Variants in METTL21A observed in about 807,000 individuals in gnomAD.
METTL21A encodes methyltransferase 21A, HSPA lysine, also known as protein N-lysine methyltransferase METTL21A.
METTL21A carries 22 observed loss-of-function variants against 20.9 expected under a neutral mutation model. The ratio of observed to expected loss-of-function variants is 1.05; its 90% CI spans 0.75 to 1.50. The LOEUF (loss-of-function observed/expected upper bound fraction) is 1.50, where lower values mean the gene tolerates loss of function less well. Among genes scored for constraint, METTL21A ranks in the 40% most tolerant of loss-of-function variants. The pLI is 0.00. For missense variants in METTL21A, 271 were observed against 266.8 expected, an observed-to-expected ratio of 1.02 and a Z score of -0.11; for synonymous variants, 93 against 102.0, an observed-to-expected ratio of 0.91 and a Z score of 0.53.
At chr2:207,609,601 T>C (rs2088631896), downstream of METTL21A, 1 of 152,154 alleles carries the variant, frequency 6.6e-6, no homozygotes, top group Non-Finnish European at 1.5e-5. Flanking sequence ...GGAGCTTATA[T>C]GTAGGAAGCT....
At chr2:207,612,956 A>T (rs1218388815) in exon 4 of METTL21A, 1 of 1,351,554 alleles carries the variant, frequency 7.4e-7, no homozygotes, top group African/African-American at 1.5e-5. Flanking sequence ...CTTTTTGTAC[A>T]GTAAGACATT....
chr2:207,623,349 T>C (rs1231315048), intron 2 of METTL21A, among the ~76,000 whole-genome samples: 1 of 152,236 alleles, frequency 6.6e-6, no homozygotes, highest in African/African-American at 2.4e-5. Flanking sequence ...AAACTGTATT[T>C]ATGCCAATCA....
chr2:207,598,195 G>A (rs1447704825), intron 3 of METTL21A: 1 of 182,182 alleles, frequency 5.5e-6, no homozygotes, highest in Admixed American at 6.3e-5. Context: ...GATATAAAAA[G>A]TACAGTGTTA....
intron 3 of METTL21A, among the ~76,000 whole-genome samples, chr2:207,593,799 A>G (rs931120961): frequency 1.3e-5 from 2 of 150,018 alleles, no homozygotes; most frequent in African/African-American, 2.5e-5. Context: ...GCTCACTGCA[A>G]TCTCTGCCTC....
At chr2:207,593,719 CTTTTTTTT>C (rs5838079) in intron 3 of METTL21A, among the ~76,000 whole-genome samples, 6 of 102,678 alleles carry the variant, frequency 5.8e-5, no homozygotes, top group African/African-American at 2.3e-4. Context: ...TCCTCACAAA[CTTTTTTTT>C]TTTTTTTTTT....
chr2:207,581,158 CCCCCT>C (rs2082911966), downstream of METTL21A, among the ~76,000 whole-genome samples: 1 of 152,060 alleles, frequency 6.6e-6, no homozygotes, highest in South Asian at 2.1e-4. Flanking sequence ...AAACTATAAA[CCCCCT>C]ATTTAGGAAA....
intron 2 of METTL21A, among the ~76,000 whole-genome samples, chr2:207,624,008 G>T (rs1199616866): frequency 6.6e-6 from 1 of 152,166 alleles, no homozygotes; most frequent in Non-Finnish European, 1.5e-5. Context: ...ACGGGTTTGA[G>T]AGTGGCAGTG....
At chr2:207,584,213 A>G (rs994638674) in intron 3 of METTL21A, among the ~76,000 whole-genome samples, 2 of 152,222 alleles carry the variant, frequency 1.3e-5, no homozygotes, top group African/African-American at 2.4e-5. Context: ...TGTATATTTA[A>G]CTTTTTAAAT....
intron 3 of METTL21A, among the ~76,000 whole-genome samples, chr2:207,619,025 T>A (rs1321558331): frequency 1.3e-5 from 2 of 152,080 alleles, no homozygotes; most frequent in Non-Finnish European, 2.9e-5. Flanking sequence ...GCGCTATAAG[T>A]AGGTAAGGCC....
At chr2:207,620,756 G>C (rs1559127221) in intron 3 of METTL21A, 4 of 1,463,328 alleles carry the variant, frequency 2.7e-6, no homozygotes, top group Non-Finnish European at 3.6e-6. Context: ...CACCACCCCT[G>C]CCCATGCTCC....
intron 3 of METTL21A, chr2:207,620,490 C>T: frequency 3.3e-6 from 1 of 299,198 alleles, no homozygotes. Context: ...AATAAAACAA[C>T]TAACTGTGTC....
chr2:207,581,328 C>T (rs1345160092), downstream of METTL21A: 1 of 197,510 alleles, frequency 5.1e-6, no homozygotes, highest in Non-Finnish European at 1.0e-5. Context: ...TAAAATATAT[C>T]CATTCAACTA....
At chr2:207,597,992 T>A (rs2086447812) in intron 3 of METTL21A, 1 of 183,254 alleles carries the variant, frequency 5.5e-6, no homozygotes, top group African/African-American at 2.3e-5. Context: ...TAAAAAGATA[T>A]TTCTAATTTA....
chr2:207,624,519 G>A (rs559008380), intron 1 of METTL21A, 115 bp from the exon 2 acceptor site: 2 of 916,876 alleles, frequency 2.2e-6, no homozygotes, highest in Non-Finnish European at 3.0e-6. Flanking sequence ...AAAAGAAACA[G>A]GTGGAGGAAG....
chr2:207,588,538 CTTG>C (rs1482732110), intron 3 of METTL21A, among the ~76,000 whole-genome samples: 1 of 152,108 alleles, frequency 6.6e-6, no homozygotes, highest in Non-Finnish European at 1.5e-5. Flanking sequence ...TTATAATCCG[CTTG>C]TTGATGTCTA....
chr2:207,600,964 C>T (rs970842546), intron 3 of METTL21A: 14 of 179,396 alleles, frequency 7.8e-5, no homozygotes, highest in Admixed American at 3.7e-4. Flanking sequence ...TGATCAGCCA[C>T]AGTCAGCTAT....
chr2:207,625,173 A>T (rs1473832702), intron 1 of METTL21A: 1 of 152,064 alleles, frequency 6.6e-6, no homozygotes, highest in Non-Finnish European at 1.5e-5. Flanking sequence ...GCCTCTTAGG[A>T]TCCCCAGGCC....
intron 3 of METTL21A, 68 bp from the exon 4 acceptor site, chr2:207,613,511 A>G: frequency 7.1e-7 from 1 of 1,404,936 alleles, no homozygotes; most frequent in Non-Finnish European, 9.6e-7. Flanking sequence ...AGAGGGGGTC[A>G]AGTTAAATGT....
downstream of METTL21A, chr2:207,581,546 T>A (rs574890572): frequency 4.3e-6 from 1 of 232,940 alleles, no homozygotes; most frequent in South Asian, 1.7e-4. Context: ...ATCTAAAATG[T>A]TAACATTCTA....
Sources: gnomAD v4.1 joint callset for allele counts (sites outside exome capture counted in the v4.1 genomes callset) on GRCh38, gnomAD v4.1.1 for gene constraint, MANE v1.5 for transcripts, NCBI Gene and HGNC (gene_info 2026-07-23, HGNC 2026-07-21) for gene names.